Variants in RTN4RL1 observed in about 807,000 individuals in gnomAD.
RTN4RL1 encodes the protein reticulon 4 receptor like 1.
Under a neutral mutation model 25.6 loss-of-function variants are expected in RTN4RL1, and 7 were observed. That is an observed-to-expected ratio of 0.27 (90% CI 0.16 to 0.51). The LOEUF (loss-of-function observed/expected upper bound fraction) is 0.51, where lower values mean the gene tolerates loss of function less well. RTN4RL1 is among the 20% of genes least tolerant of loss of function. The pLI is 0.97. For missense variants in RTN4RL1, 500 were observed against 615.6 expected (o/e 0.81, Z 1.99); for synonymous variants, 297 against 288.2 (o/e 1.03, Z -0.31).
chr17:1,949,485 A>G (rs1471809913), intron 1 of RTN4RL1, among the ~76,000 whole-genome samples: 1 of 152,170 alleles, frequency 6.6e-6, no homozygotes, highest in Non-Finnish European at 1.5e-5. Context: ...TGCCTTTGAG[A>G]AGCAGGTGCA....
intron 1 of RTN4RL1, among the ~76,000 whole-genome samples, chr17:2,023,933 G>C (rs902219406): frequency 1.3e-5 from 2 of 152,092 alleles, no homozygotes; most frequent in African/African-American, 4.8e-5. Context: ...GCGCGGGGGG[G>C]ATCCCGGCGG....
chr17:2,017,338 G>A (rs1245823661), intron 1 of RTN4RL1, among the ~76,000 whole-genome samples: 3 of 152,238 alleles, frequency 2.0e-5, no homozygotes, highest in Admixed American at 6.5e-5. Flanking sequence ...AACTCAGTGA[G>A]CTGCCAAGTG....
At chr17:1,984,175 T>C (rs1264819981) in intron 1 of RTN4RL1, among the ~76,000 whole-genome samples, 1 of 152,216 alleles carries the variant, frequency 6.6e-6, no homozygotes, top group Non-Finnish European at 1.5e-5. Flanking sequence ...ATAAAGCCCA[T>C]GGATATTCTC....
chr17:1,942,200 C>T (rs748816081), intron 1 of RTN4RL1, among the ~76,000 whole-genome samples: 2 of 152,174 alleles, frequency 1.3e-5, no homozygotes, highest in African/African-American at 2.4e-5. Context: ...TCCAGGGGCA[C>T]GTGCTCGGCT....
chr17:1,997,177 C>T (rs1459587439), intron 1 of RTN4RL1, among the ~76,000 whole-genome samples: 2 of 152,262 alleles, frequency 1.3e-5, no homozygotes, highest in African/African-American at 4.8e-5. Flanking sequence ...CAAACTCCTC[C>T]GTGGCCCACG....
rs140876717 is a variant in RTN4RL1, at chr17:1,952,590, G to A, written c.14-14782C>T. On this transcript the variant is annotated intron_variant, in intron 1 of 1. Transcript: ENST00000331238. ...GAACTCCTGACCTCGTGATCCACCCGCCTCAGCCTCCCAAAGTGCTGGGAT... is the reference window on the plus strand; with the variant it reads ...GAACTCCTGACCTCGTGATCCACCCACCTCAGCCTCCCAAAGTGCTGGGAT... Among the ~76,000 whole-genome samples the A allele has an allele frequency of 5.3e-5, 8 of 149,910 alleles. No individual in the cohort carries two copies. In the South Asian group the frequency reaches 8.7e-4, roughly 16 times the overall value.
At chr17:2,007,580 T>C (rs2067008212) in intron 1 of RTN4RL1, among the ~76,000 whole-genome samples, 1 of 152,290 alleles carries the variant, frequency 6.6e-6, no homozygotes, top group Admixed American at 6.5e-5. Context: ...GGCTGTGGCA[T>C]GGTCTCTAAC....
intron 1 of RTN4RL1, among the ~76,000 whole-genome samples, chr17:1,995,459 AG>A (rs2066925408): frequency 1.3e-5 from 2 of 149,250 alleles, no homozygotes; most frequent in African/African-American, 4.9e-5. Flanking sequence ...TAGGCATGGC[AG>A]GGGAACCTCT....
At chr17:2,005,359 G>A (rs1394343518) in intron 1 of RTN4RL1, among the ~76,000 whole-genome samples, 9 of 152,110 alleles carry the variant, frequency 5.9e-5, no homozygotes, top group Non-Finnish European at 1.3e-4. Flanking sequence ...TCTAAAGATA[G>A]GCACTGTTAT....
chr17:2,018,060 A>G (rs1369759762), intron 1 of RTN4RL1: 1 of 152,524 alleles, frequency 6.6e-6, no homozygotes, highest in African/African-American at 2.4e-5. Context: ...TGCAGCTGCC[A>G]TCCTGCCTGG....
At chr17:1,954,253 C>T (rs1367674808) in intron 1 of RTN4RL1, among the ~76,000 whole-genome samples, 1 of 152,014 alleles carries the variant, frequency 6.6e-6, no homozygotes, top group Admixed American at 6.6e-5. Context: ...TTGCTTACTA[C>T]TAAAAAAAAG....
chr17:2,022,446 C>G (rs1369338259), intron 1 of RTN4RL1, among the ~76,000 whole-genome samples: 6 of 152,212 alleles, frequency 3.9e-5, no homozygotes, highest in African/African-American at 1.4e-4. Context: ...GCCACCACAC[C>G]TGGCCTCCTG....
At position 1,987,837 on chromosome 17, in the gene RTN4RL1, A is replaced by G. The variant is rs111651167; in HGVS notation, c.13+37016T>C. ...ATTAAGCCCTCATGCTGGGTGCGGT[A>G]GCTCACGCCTGTAATCCCAGCACTT... is the stretch of plus-strand genomic sequence containing the variant. On this transcript the variant is annotated intron_variant, in intron 1 of 1. Coordinates refer to ENST00000331238, the MANE Select transcript of RTN4RL1 (RefSeq NM_178568.4). 8.3e-3 allele frequency among the ~76,000 whole-genome samples: 1,261 copies of G among 152,152 alleles called. 24 individuals are homozygous for G. Among genetic ancestry groups the G allele is most frequent in the African/African-American group, 0.029 (1,200 of 41,506 alleles).
intron 1 of RTN4RL1, among the ~76,000 whole-genome samples, chr17:1,962,604 C>T (rs1393660365): frequency 4.6e-5 from 7 of 151,936 alleles, no homozygotes; most frequent in Non-Finnish European, 1.0e-4. Flanking sequence ...GTGGCTCACA[C>T]CTGTAATCCC....
At chr17:2,022,159 A>G (rs1257549019) in intron 1 of RTN4RL1, among the ~76,000 whole-genome samples, 1 of 151,980 alleles carries the variant, frequency 6.6e-6, no homozygotes, top group African/African-American at 2.4e-5. Flanking sequence ...TACTAAAAAT[A>G]CAAAAAATGA....
intron 1 of RTN4RL1, among the ~76,000 whole-genome samples, chr17:1,991,270 C>T (rs2151319204): frequency 6.6e-6 from 1 of 151,904 alleles, no homozygotes; most frequent in African/African-American, 2.4e-5. Flanking sequence ...GAAGGGTAGG[C>T]ATAGGCTTGT....
At chr17:1,961,384 G>A (rs1376495187) in intron 1 of RTN4RL1, among the ~76,000 whole-genome samples, 3 of 152,220 alleles carry the variant, frequency 2.0e-5, no homozygotes, top group Admixed American at 6.5e-5. Flanking sequence ...GCCTGGAGGC[G>A]CGAGAGAGGG....
At chr17:2,015,536 G>T (rs1399021066) in intron 1 of RTN4RL1, among the ~76,000 whole-genome samples, 1 of 152,194 alleles carries the variant, frequency 6.6e-6, no homozygotes, top group Non-Finnish European at 1.5e-5. Context: ...CGGCCGAGAG[G>T]GGCAGCCGCA....
At chr17:1,944,226 G>A (rs1339764775) in intron 1 of RTN4RL1, among the ~76,000 whole-genome samples, 1 of 151,680 alleles carries the variant, frequency 6.6e-6, no homozygotes, top group Admixed American at 6.6e-5. Context: ...CAACTTAACC[G>A]GTGTGTCCCC....
Sources: allele counts gnomAD v4.1 joint callset (sites outside exome capture counted in the v4.1 genomes callset), GRCh38; gene constraint gnomAD v4.1.1; transcripts MANE v1.5; gene names NCBI Gene and HGNC (gene_info 2026-07-23, HGNC 2026-07-21).